The following ASIP variants were observed in gnomAD, a reference collection of about 807,000 sequenced individuals.
ASIP encodes agouti signaling protein, also known as agouti-signaling protein.
Under a neutral mutation model 10.3 loss-of-function variants are expected in ASIP, and 11 were observed. The ratio of observed to expected loss-of-function variants is 1.07; its 90% CI spans 0.68 to 1.78. The LOEUF (loss-of-function observed/expected upper bound fraction) is 1.78, where lower values mean the gene tolerates loss of function less well. Ranked by LOEUF, ASIP falls within the 40% of genes most tolerant of loss-of-function variation. The pLI is 0.00. For synonymous variants in ASIP, 70 were observed against 70.8 expected (o/e 0.99, Z 0.06); for missense variants, 180 against 169.2 (o/e 1.06, Z -0.35).
intron 1 of ASIP, among the ~76,000 whole-genome samples, chr20:34,217,871 G>C (rs930731910): frequency 6.6e-6 from 1 of 152,194 alleles, no homozygotes; most frequent in African/African-American, 2.4e-5. Flanking sequence ...CCCGCTGAAA[G>C]CTCTTTTCAG....
upstream of ASIP, among the ~76,000 whole-genome samples, chr20:34,238,215 T>C (rs1432568593): frequency 6.6e-6 from 1 of 152,192 alleles, no homozygotes; most frequent in African/African-American, 2.4e-5. Context: ...TCTTAATCAA[T>C]GTTTCTTCAA....
intron 1 of ASIP, among the ~76,000 whole-genome samples, chr20:34,222,797 C>T (rs1470413440): frequency 6.6e-6 from 1 of 151,916 alleles, no homozygotes; most frequent in Non-Finnish European, 1.5e-5. Flanking sequence ...CGCCGCCACG[C>T]CTGACTGGTT....
intron 3 of ASIP, 37 bp from the exon 4 acceptor site, chr20:34,268,954 G>T: frequency 6.4e-7 from 1 of 1,567,556 alleles, no homozygotes; most frequent in Non-Finnish European, 8.6e-7. Context: ...AGGGGTGGGC[G>T]TGGCCGGCTC....
At chr20:34,213,653 CT>C in intron 1 of ASIP, 5 of 1,562,826 alleles carry the variant, frequency 3.2e-6, no homozygotes, top group Non-Finnish European at 4.4e-6. Context: ...TCCTGGAGGT[CT>C]TTTGCTTCAC....
At chr20:34,220,862 T>C (rs2035041763) in intron 1 of ASIP, among the ~76,000 whole-genome samples, 2 of 151,856 alleles carry the variant, frequency 1.3e-5, no homozygotes, top group African/African-American at 2.4e-5. Flanking sequence ...GCTCTCAGAC[T>C]ATTAATCTTC....
At chr20:34,196,513 T>C (rs976059149) in intron 1 of ASIP, among the ~76,000 whole-genome samples, 3 of 152,008 alleles carry the variant, frequency 2.0e-5, no homozygotes, top group South Asian at 2.1e-4. Context: ...AACAAAAAGT[T>C]CAGATGTCTG....
chr20:34,260,048 G>A (rs745344405), intron 1 of ASIP, among the ~76,000 whole-genome samples: 2 of 151,882 alleles, frequency 1.3e-5, no homozygotes, highest in African/African-American at 2.4e-5. Context: ...TGGGGCCACA[G>A]ACATTAAAAA....
chr20:34,203,326 C>G (rs2034913061), intron 1 of ASIP, among the ~76,000 whole-genome samples: 2 of 151,604 alleles, frequency 1.3e-5, no homozygotes, highest in African/African-American at 4.8e-5. Flanking sequence ...ATGTAGAAAC[C>G]TGGTATATTA....
chr20:34,186,533 C>T, the ASIP span, among the ~76,000 whole-genome samples: 4 of 152,054 alleles, frequency 2.6e-5, no homozygotes, highest in Admixed American at 6.5e-5. Context: ...CTGAGTTCAC[C>T]GATCCTTCCT....
In ASIP at chr20:34,223,279, C is replaced by T. The variant is rs1281047355; in HGVS notation, c.-11+28519C>T. 3.3e-5 allele frequency among the ~76,000 whole-genome samples: 5 copies of T among 151,030 alleles called. No homozygotes were observed. The East Asian group carries it at 7.9e-4, about 24-fold the overall frequency. Reference sequence around the variant, plus strand: ...GATGTGGGGAGCGCCTCTGCCCTGCCGCCCCGTCTGGGATGTGAGGAGCGC... The same window carrying T: ...GATGTGGGGAGCGCCTCTGCCCTGCTGCCCCGTCTGGGATGTGAGGAGCGC... On this transcript the variant is annotated intron_variant, in intron 1 of 3. Transcript: ENST00000568305.
intron 1 of ASIP, among the ~76,000 whole-genome samples, chr20:34,255,268 G>C (rs1365256131): frequency 7.9e-5 from 12 of 152,214 alleles, no homozygotes; most frequent in African/African-American, 2.9e-4. Flanking sequence ...CAGCCCCCTC[G>C]TTCTCAATCC....
chr20:34,201,013 C>CT (rs2034891896), intron 1 of ASIP, among the ~76,000 whole-genome samples: 7 of 55,310 alleles, frequency 1.3e-4, no homozygotes, highest in South Asian at 5.4e-4. Context: ...TCCTTCCTTC[C>CT]TTCCTTCTTT....
At chr20:34,197,835 A>G (rs558808777) in intron 1 of ASIP, among the ~76,000 whole-genome samples, 9 of 152,288 alleles carry the variant, frequency 5.9e-5, no homozygotes, top group African/African-American at 2.2e-4. Flanking sequence ...TCAGGCTTGC[A>G]TCTGCGTATA....
At chr20:34,249,111 AGAGT>A (rs1448433229) in intron 1 of ASIP, among the ~76,000 whole-genome samples, 1 of 152,122 alleles carries the variant, frequency 6.6e-6, no homozygotes, top group Non-Finnish European at 1.5e-5. Context: ...CCTGGGTGAC[AGAGT>A]GAGACCCTGT....
At chr20:34,196,807 G>A (rs1451381767) in intron 1 of ASIP, among the ~76,000 whole-genome samples, 1 of 152,158 alleles carries the variant, frequency 6.6e-6, no homozygotes, top group African/African-American at 2.4e-5. Context: ...GAATGGGAGT[G>A]TTATGGAGGG....
At chr20:34,243,973 G>A (rs1349151256) in intron 1 of ASIP, among the ~76,000 whole-genome samples, 4 of 152,154 alleles carry the variant, frequency 2.6e-5, no homozygotes, top group African/African-American at 7.2e-5. Flanking sequence ...GCTGAGGCAG[G>A]AGAATGGCGT....
chr20:34,217,557 A>T (rs974587816), intron 1 of ASIP, among the ~76,000 whole-genome samples: 1 of 149,700 alleles, frequency 6.7e-6, no homozygotes, highest in Non-Finnish European at 1.5e-5. Context: ...CTGAAAGCTT[A>T]TTTATGTATT....
chr20:34,251,402 C>T (rs1053936283), intron 1 of ASIP, among the ~76,000 whole-genome samples: 4 of 152,072 alleles, frequency 2.6e-5, no homozygotes, highest in Admixed American at 6.5e-5. Context: ...TCCCAGGTAG[C>T]TGGGACTACA....
At chr20:34,214,703 A>G (rs2034996151) in intron 1 of ASIP, 6 of 1,102,910 alleles carry the variant, frequency 5.4e-6, no homozygotes, top group Non-Finnish European at 1.4e-6. Flanking sequence ...TCAAAGTTAT[A>G]TTCTTCATCA....
Sources: allele counts gnomAD v4.1 joint callset (sites outside exome capture counted in the v4.1 genomes callset), GRCh38; gene constraint gnomAD v4.1.1; transcripts MANE v1.5; gene names NCBI Gene and HGNC (gene_info 2026-07-23, HGNC 2026-07-21).